Variants in COG3 observed in about 807,000 individuals in gnomAD.
COG3 encodes conserved oligomeric Golgi complex subunit 3.
COG3 carries 32 observed loss-of-function variants against 114.1 expected under a neutral mutation model. That is an observed-to-expected ratio of 0.28 (90% CI 0.21 to 0.38). COG3 has a LOEUF of 0.38. COG3 is among the 10% of genes least tolerant of loss of function. The pLI is 1.00. For missense variants in COG3, 813 were observed against 973.2 expected (o/e 0.84, Z 2.19); for synonymous variants, 352 against 365.7 (o/e 0.96, Z 0.43).
chr13:45,472,365 C>T (rs1405259036), intron 1 of COG3, among the ~76,000 whole-genome samples: 1 of 151,954 alleles, frequency 6.6e-6, no homozygotes, highest in Non-Finnish European at 1.5e-5. Context: ...AGTTTTATAT[C>T]TTTCATTATT....
At chr13:45,478,013 T>A (rs1885992733) in intron 2 of COG3, among the ~76,000 whole-genome samples, 1 of 152,202 alleles carries the variant, frequency 6.6e-6, no homozygotes. Context: ...ATATTGATAT[T>A]TGCCCAAAGC....
chr13:45,478,283 C>T (rs1593681004), intron 2 of COG3, among the ~76,000 whole-genome samples: 1 of 151,584 alleles, frequency 6.6e-6, no homozygotes, highest in Non-Finnish European at 1.5e-5. Flanking sequence ...GCTCTGCCTC[C>T]CGGGTTCATG....
chr13:45,510,179 A>G (rs962493311), intron 15 of COG3, among the ~76,000 whole-genome samples: 1 of 152,208 alleles, frequency 6.6e-6, no homozygotes, highest in Non-Finnish European at 1.5e-5. Flanking sequence ...ATATGGTTCA[A>G]AAGGAGTATG....
chr13:45,533,647 G>A (rs977991121), intron 22 of COG3, among the ~76,000 whole-genome samples: 5 of 152,182 alleles, frequency 3.3e-5, no homozygotes, highest in African/African-American at 4.8e-5. Context: ...TCCCGGTACC[G>A]TTCCTGCTGA....
rs946168433 is a variant in COG3 at position 45,524,971 on chromosome 13, A to C, written c.2155-5A>C. 6.2e-7 allele frequency: 1 copy of C among 1,612,514 alleles called. No individual in the cohort carries two copies. The highest frequency in any genetic ancestry group is 8.5e-7 in the Non-Finnish European group (1 of 1,179,040). On this transcript the variant is annotated splice_polypyrimidine_tract_variant and splice_region_variant and intron_variant, in intron 19 of 22. Transcript: ENST00000349995. The stretch of plus-strand genomic sequence containing the variant: ...AACTTTTTTTCTTTTTGTCTCCTCT[A>C]TTAGGTTTCAGCGTTAAAAACAATG...
At chr13:45,466,414 C>T (rs914927222) in intron 1 of COG3, 2 of 152,132 alleles carry the variant, frequency 1.3e-5, no homozygotes, top group Admixed American at 1.3e-4. Context: ...TTTTTCTGTC[C>T]TCCAACTTTA....
chr13:45,479,291 A>C (rs1320613946), intron 3 of COG3, among the ~76,000 whole-genome samples: 1 of 152,210 alleles, frequency 6.6e-6, no homozygotes, highest in Non-Finnish European at 1.5e-5. Context: ...ATAGGTTAGG[A>C]GGGATAGATG....
intron 16 of COG3, among the ~76,000 whole-genome samples, chr13:45,513,632 C>T (rs1195703465): frequency 6.7e-6 from 1 of 148,696 alleles, no homozygotes; most frequent in East Asian, 1.9e-4. Flanking sequence ...GCTAGGAAAG[C>T]TTTATCTTTG....
chr13:45,473,381 C>G (rs1593673628), intron 1 of COG3, among the ~76,000 whole-genome samples: 1 of 152,198 alleles, frequency 6.6e-6, no homozygotes, highest in Admixed American at 6.5e-5. Flanking sequence ...ACATTTCTTT[C>G]AGCTTTCTTC....
At chr13:45,486,442 ATTAT>A (rs1555295109) in intron 7 of COG3, 49 bp from the exon 8 acceptor site, 2 of 1,149,776 alleles carry the variant, frequency 1.7e-6, no homozygotes, top group African/African-American at 1.5e-5. Context: ...GGTTTTCTGA[ATTAT>A]TTGTTTGCTA....
chr13:45,527,180 T>C (rs987789819), intron 20 of COG3, among the ~76,000 whole-genome samples: 5 of 152,206 alleles, frequency 3.3e-5, no homozygotes, highest in Admixed American at 6.5e-5. Context: ...GGAACCCTAA[T>C]AGGATTCAAA....
In COG3 at chr13:45,492,237, A is replaced by G; in HGVS notation, c.1174A>G (p.Thr392Ala). ...QLYNEFFTKP[T>A]SKLDELLEKL... ...TTACAATGAATTTTTCACAAAACCAACATCAAAATTAGAGTAGGTGGACAT... is the reference window on the plus strand; with the variant it reads ...TTACAATGAATTTTTCACAAAACCAGCATCAAAATTAGAGTAGGTGGACAT... Residue 392 changes from threonine (T) to alanine (A), a missense_variant, in exon 11 of 23, where the codon ACA becomes GCA. By Grantham distance (58) the Thr-to-Ala change is moderately conservative (BLOSUM62 0). Transcript: ENST00000349995. 6.2e-7 allele frequency: 1 copy of G among 1,602,032 alleles called. No homozygotes were observed. The highest frequency in any genetic ancestry group is 8.5e-7 in the Non-Finnish European group (1 of 1,172,106).
At chr13:45,478,216 G>T (rs1359353223) in intron 2 of COG3, among the ~76,000 whole-genome samples, 1 of 143,602 alleles carries the variant, frequency 7.0e-6, no homozygotes, top group Non-Finnish European at 1.5e-5. Flanking sequence ...TTTTGAGACG[G>T]AGTCTCGCTC....
chr13:45,478,623 G>C (rs1464294785), intron 2 of COG3, among the ~76,000 whole-genome samples: 1 of 151,492 alleles, frequency 6.6e-6, no homozygotes, highest in South Asian at 2.1e-4. Context: ...CGATTAGCTG[G>C]GATTACAGGC....
rs1360343650 is a variant in COG3 at position 45,476,252 on chromosome 13, C to T, written c.226C>T (p.Leu76=). The change falls in exon 2 of 23, where the codon CTG becomes TTG. Residue 76 remains leucine, a synonymous_variant. Coordinates refer to ENST00000349995, the MANE Select transcript of COG3 (RefSeq NM_031431.4). ...AACATCCCAGTCACTGCCCATTGAACTGACTTCAGTAGTGCCTGAATCTAC... is the reference window on the plus strand; with the variant it reads ...AACATCCCAGTCACTGCCCATTGAATTGACTTCAGTAGTGCCTGAATCTAC... The part of the protein sequence containing the change: ...SLTSQSLPIE[L]TSVVPESTED... The T allele has an allele frequency of 5.6e-6, 9 of 1,613,588 alleles. No homozygotes were observed. Among genetic ancestry groups the T allele is most frequent in the Non-Finnish European group, 7.6e-6 (9 of 1,179,682 alleles).
Position 45,492,119 on chromosome 13 carries a change from G to A in COG3, c.1096-40G>A, listed in dbSNP as rs1354482640. 1.0e-5 allele frequency: 12 copies of A among 1,179,226 alleles called. No individual in the cohort carries two copies. The African/African-American group carries it at 1.7e-4, about 17-fold the overall frequency. 73.0% of individuals were successfully genotyped at this position (1,179,226 alleles called of 1,614,324 possible). On this transcript the variant is annotated intron_variant, in intron 10 of 22. Coordinates refer to ENST00000349995, the MANE Select transcript of COG3 (RefSeq NM_031431.4). Reference sequence around the variant, plus strand: ...ATTTCATAAACATCAGAAATGTTGTGTGTCTTTAACTGTAGGTGGTGTGTG... The same window carrying A: ...ATTTCATAAACATCAGAAATGTTGTATGTCTTTAACTGTAGGTGGTGTGTG...
chr13:45,508,403 T>TATATACAC (rs1352468701), intron 14 of COG3, among the ~76,000 whole-genome samples: 8 of 133,048 alleles, frequency 6.0e-5, no homozygotes, highest in Admixed American at 1.4e-4. Context: ...TATATATATA[T>TATATACAC]ACACACACAC....
chr13:45,508,802 G>A (rs769812950), intron 14 of COG3, among the ~76,000 whole-genome samples: 23 of 152,048 alleles, frequency 1.5e-4, no homozygotes, highest in East Asian at 5.8e-4. Flanking sequence ...CCTCACAGTC[G>A]CCAGAGTCTG....
At chr13:45,509,145 T>G (rs1439173903) in intron 14 of COG3, among the ~76,000 whole-genome samples, 1 of 151,898 alleles carries the variant, frequency 6.6e-6, no homozygotes, top group African/African-American at 2.4e-5. Context: ...GTTCAAGCGA[T>G]TTTCCTGCCT....
Sources: gnomAD v4.1 joint callset for allele counts (sites outside exome capture counted in the v4.1 genomes callset) on GRCh38, gnomAD v4.1.1 for gene constraint, MANE v1.5 for transcripts, NCBI Gene and HGNC (gene_info 2026-07-23, HGNC 2026-07-21) for gene names.